The following BZW2 variants were observed in gnomAD, a reference collection of about 807,000 sequenced individuals.
BZW2 encodes eIF5-mimic protein 1.
A neutral mutation model predicts 53.2 loss-of-function variants in BZW2; 23 were observed. The observed-to-expected ratio is 0.43, with a 90% CI of 0.31 to 0.61. BZW2 has a LOEUF of 0.61. Among genes scored for constraint, BZW2 ranks in the 20% least tolerant of loss-of-function variants. BZW2 has a pLI of 0.09. For missense variants in BZW2, 409 were observed against 503.1 expected, an observed-to-expected ratio of 0.81 and a Z score of 1.79; for synonymous variants, 227 against 186.4, an observed-to-expected ratio of 1.22 and a Z score of -1.77.
chr7:16,686,087 TA>T (rs2128363868), intron 6 of BZW2, 47 bp downstream of exon 6: 1 of 1,602,722 alleles, frequency 6.2e-7, no homozygotes, highest in Non-Finnish European at 8.5e-7. Context: ...AAAAGAAAAA[TA>T]AAGTCACAGA....
At chr7:16,702,252 T>C (rs1283425769) in intron 10 of BZW2, among the ~76,000 whole-genome samples, 2 of 152,154 alleles carry the variant, frequency 1.3e-5, no homozygotes, top group Non-Finnish European at 2.9e-5. Flanking sequence ...TTTCACTAAA[T>C]AGAAGTTTAA....
intron 3 of BZW2, 66 bp from the exon 4 acceptor site, chr7:16,681,233 GAT>G (rs1782935131): frequency 1.7e-6 from 2 of 1,196,730 alleles, no homozygotes; most frequent in Admixed American, 4.1e-5. Flanking sequence ...TGCCAGAATT[GAT>G]GTGTTCTGCA....
Position 16,689,786 on chromosome 7 carries a change from T to G in BZW2, c.542-11T>G, listed in dbSNP as rs1256515692. 1.9e-6 allele frequency: 3 copies of G among 1,592,690 alleles called. 1 individual carries two copies. Among genetic ancestry groups the G allele is most frequent in the South Asian group, 2.3e-5 (2 of 88,178 alleles). On this transcript the variant is annotated splice_polypyrimidine_tract_variant and intron_variant, in intron 6 of 11. Transcript: ENST00000258761. ...GTAAAAGGAATGAAATTCTCTTTTGTTTTTCAACAGGCATTGCGGCCTCAT... is the reference window on the plus strand; with the variant it reads ...GTAAAAGGAATGAAATTCTCTTTTGGTTTTCAACAGGCATTGCGGCCTCAT...
chr7:16,665,160 G>T (rs1353528487), intron 1 of BZW2, among the ~76,000 whole-genome samples: 1 of 152,036 alleles, frequency 6.6e-6, no homozygotes, highest in African/African-American at 2.4e-5. Flanking sequence ...ACAAAAATTA[G>T]CTGGGCGTGG....
chr7:16,674,702 A>AT (rs1170558159), intron 3 of BZW2, 114 bp downstream of exon 3: 1 of 957,042 alleles, frequency 1.0e-6, no homozygotes. Context: ...GTTAATAAAA[A>AT]TACAAATGGA....
At position 16,682,854 on chromosome 7, in the gene BZW2, T is replaced by A. The variant is rs1194864609; in HGVS notation, c.405+9T>A. 1 of 1,539,574 alleles carries A rather than the reference T, an allele frequency of 6.5e-7. No homozygotes were observed. Among genetic ancestry groups the A allele is most frequent in the Non-Finnish European group, 8.9e-7 (1 of 1,121,492 alleles). ...AAGATGAAATGAAAAAGGTAAAAATTCAAATATAATGCCTATCTGTTTTAT... is the reference window on the plus strand; with the variant it reads ...AAGATGAAATGAAAAAGGTAAAAATACAAATATAATGCCTATCTGTTTTAT... On this transcript the variant is annotated intron_variant, in intron 5 of 11. Transcript: ENST00000258761.
intron 1 of BZW2, among the ~76,000 whole-genome samples, chr7:16,649,172 A>G (rs561344600): frequency 8.5e-5 from 13 of 152,276 alleles, no homozygotes; most frequent in African/African-American, 2.9e-4. Context: ...GCATTCTATT[A>G]TAGTTATTAT....
chr7:16,657,907 C>G (rs1160066681), intron 1 of BZW2, among the ~76,000 whole-genome samples: 2 of 152,084 alleles, frequency 1.3e-5, no homozygotes, highest in South Asian at 4.1e-4. Context: ...CTTAACGTAT[C>G]GAGAGCAGAA....
In BZW2 at chr7:16,698,146, C is replaced by T. The variant is rs776722672; in HGVS notation, c.1068C>T (p.Phe356=). The change falls in exon 10 of 12, where the codon TTC becomes TTT. Residue 356 remains phenylalanine, a synonymous_variant. Transcript: ENST00000258761. ...VQEYCYDNIH[F]MKAFQKIVVL... ...AATACTGCTACGACAACATCCATTT[C>T]ATGAAAGCCTTTCAGAAGATTGTGG... 18 of 1,614,100 alleles carry T rather than the reference C, an allele frequency of 1.1e-5. No homozygotes were observed. The South Asian group carries it at 1.9e-4, about 17-fold the overall frequency.
rs554860383 is a variant in BZW2, at chr7:16,706,110, C to G, written c.*22C>G. On this transcript the variant is annotated 3_prime_UTR_variant, in exon 12 of 12. Transcript: ENST00000258761. ...TTAAATGGCTCAACAAGCACAATAC[C>G]TAGGTTACCACACACCACTTTTTGA... 38 of 1,612,034 alleles carry G rather than the reference C, an allele frequency of 2.4e-5. No individual in the cohort carries two copies. Among genetic ancestry groups the G allele is most frequent in the Admixed American group, 3.3e-5 (2 of 59,870 alleles).
intron 8 of BZW2, among the ~76,000 whole-genome samples, chr7:16,696,403 T>C (rs777920225): frequency 1.3e-5 from 2 of 152,250 alleles, no homozygotes; most frequent in Non-Finnish European, 2.9e-5. Flanking sequence ...CCTTTGCACT[T>C]ACAATTTATT....
intron 2 of BZW2, among the ~76,000 whole-genome samples, chr7:16,669,609 A>G (rs544770985): frequency 6.9e-6 from 1 of 145,716 alleles, no homozygotes; most frequent in South Asian, 2.3e-4. Flanking sequence ...TCATTGCTAC[A>G]TCTCAGTGAC....
chr7:16,673,933 C>CT lies in BZW2; in HGVS notation c.59-477dup, dbSNP rs553302486. 6.7e-5 allele frequency among the ~76,000 whole-genome samples: 10 copies of CT among 149,078 alleles called. No homozygotes were observed. In the South Asian group the frequency reaches 2.2e-3, roughly 33 times the overall value. On this transcript the variant is annotated intron_variant, in intron 2 of 11. Coordinates refer to ENST00000258761, the MANE Select transcript of BZW2 (RefSeq NM_014038.3). Reference sequence around the variant, plus strand: ...AATTTTTTTGAGACAGCGTTTCACTCTTGTCTCCCAGGCTGGGGTGCAATG... The same window carrying CT: ...AATTTTTTTGAGACAGCGTTTCACTCTTTGTCTCCCAGGCTGGGGTGCAATG...
At chr7:16,658,971 TAAA>T (rs922035061) in intron 1 of BZW2, among the ~76,000 whole-genome samples, 1 of 135,816 alleles carries the variant, frequency 7.4e-6, no homozygotes, top group Non-Finnish European at 1.6e-5. Context: ...AAAAATAACT[TAAA>T]AAAAAAAAGC....
At chr7:16,696,346 A>C (rs1783487978) in intron 8 of BZW2, among the ~76,000 whole-genome samples, 1 of 152,256 alleles carries the variant, frequency 6.6e-6, no homozygotes, top group South Asian at 2.1e-4. Flanking sequence ...AGGAGAAAAT[A>C]AGTTGCTGAA....
At chr7:16,667,318 C>G (rs1328048912) in intron 2 of BZW2, among the ~76,000 whole-genome samples, 1 of 147,816 alleles carries the variant, frequency 6.8e-6, no homozygotes, top group Non-Finnish European at 1.5e-5. Context: ...TGAACTGGAA[C>G]TCAATAGGGA....
At chr7:16,648,756 A>G (rs1447367570) in intron 1 of BZW2, among the ~76,000 whole-genome samples, 1 of 152,006 alleles carries the variant, frequency 6.6e-6, no homozygotes, top group Non-Finnish European at 1.5e-5. Flanking sequence ...CCTGCCGGTA[A>G]TTTCCACCCC....
intron 3 of BZW2, among the ~76,000 whole-genome samples, chr7:16,678,963 G>C (rs183792265): frequency 4.9e-4 from 75 of 152,198 alleles, no homozygotes; most frequent in African/African-American, 1.8e-3. Context: ...AAGGCAGATG[G>C]GGGCAGAGCA....
intron 10 of BZW2, among the ~76,000 whole-genome samples, chr7:16,703,828 CA>C (rs1783748148): frequency 6.6e-6 from 1 of 152,096 alleles, no homozygotes; most frequent in Non-Finnish European, 1.5e-5. Flanking sequence ...GAGTTTTAGA[CA>C]AAAGATAGTT....
Sources: gnomAD v4.1 joint callset for allele counts (sites outside exome capture counted in the v4.1 genomes callset) on GRCh38, gnomAD v4.1.1 for gene constraint, MANE v1.5 for transcripts, NCBI Gene and HGNC (gene_info 2026-07-23, HGNC 2026-07-21) for gene names.